The following FUT8 variants were observed in gnomAD, a reference collection of about 807,000 sequenced individuals.
FUT8 encodes the protein alpha-(1,6)-fucosyltransferase.
A neutral mutation model predicts 71.3 loss-of-function variants in FUT8; 29 were observed. The observed-to-expected ratio is 0.41, with a 90% CI of 0.30 to 0.55. The LOEUF (loss-of-function observed/expected upper bound fraction) is 0.55. FUT8 is among the 20% of genes least tolerant of loss of function. The pLI, the probability that FUT8 is intolerant of heterozygous loss-of-function variation, is 0.34. For synonymous variants in FUT8, 254 were observed against 239.3 expected (o/e 1.06, Z -0.57); for missense variants, 544 against 702.1 (o/e 0.77, Z 2.55).
chr14:65,528,404 C>T (rs569588349), intron 2 of FUT8, among the ~76,000 whole-genome samples: 40 of 152,322 alleles, frequency 2.6e-4, no homozygotes, highest in African/African-American at 9.6e-4. Flanking sequence ...TGGAAAAGTG[C>T]AGTATCAGGG....
In FUT8 at chr14:65,643,436, C is replaced by T. The variant is rs528606495; in HGVS notation, c.597+13830C>T. 4.6e-4 allele frequency among the ~76,000 whole-genome samples: 70 copies of T among 152,184 alleles called. No individual in the cohort carries two copies. The highest frequency in any genetic ancestry group is 1.5e-3 in the African/African-American group (63 of 41,518). ...TTGGGAGGCCGAGGCAGGCGGGTCA[C>T]GAGGTCAGGAGATCGAGACCATCCT... On this transcript the variant is annotated intron_variant, in intron 6 of 10. Coordinates refer to ENST00000673929, the MANE Select transcript of FUT8 (RefSeq NM_001371533.1). The surrounding 1 kb of genome is among the most constrained non-coding windows in gnomAD (Gnocchi z 4.5).
In FUT8 at chr14:65,577,417, G is replaced by T. The variant is rs534698533; in HGVS notation, c.203+15651G>T. Among the ~76,000 whole-genome samples the T allele has an allele frequency of 4.6e-5, 7 of 152,098 alleles. No homozygotes were observed. In the East Asian group the frequency reaches 1.4e-3, roughly 29 times the overall value. ...TAGTGATCTTAAAAAAGTCGTGTAA[G>T]GGGGCTTTTTGATCTTCAGTTTCTT... On this transcript the variant is annotated intron_variant, in intron 3 of 10. Coordinates refer to ENST00000673929, the MANE Select transcript of FUT8 (RefSeq NM_001371533.1).
intron 9 of FUT8, among the ~76,000 whole-genome samples, chr14:65,730,546 G>A (rs1594946048): frequency 6.6e-6 from 1 of 152,134 alleles, no homozygotes; most frequent in Non-Finnish European, 1.5e-5. Flanking sequence ...GGTGGTGGGC[G>A]CCTGTGGTCC....
intron 3 of FUT8, among the ~76,000 whole-genome samples, chr14:65,565,282 C>G: frequency 6.6e-6 from 1 of 151,886 alleles, no homozygotes; most frequent in East Asian, 1.9e-4. Flanking sequence ...CCAAATACCT[C>G]CCACTAGGTC....
At chr14:65,651,187 G>A (rs1225214619) in intron 6 of FUT8, among the ~76,000 whole-genome samples, 2 of 152,190 alleles carry the variant, frequency 1.3e-5, no homozygotes, top group Admixed American at 1.3e-4. Flanking sequence ...GAGGGAGTTA[G>A]AGAAAGAGAC....
chr14:65,671,207 A>G (rs999428060), intron 7 of FUT8, among the ~76,000 whole-genome samples: 3 of 152,192 alleles, frequency 2.0e-5, no homozygotes, highest in Non-Finnish European at 4.4e-5. Context: ...TTTGTATGGT[A>G]GTCAGAAAAG....
At position 65,742,520 on chromosome 14, in the gene FUT8, T is replaced by C. The variant is rs569850049; in HGVS notation, c.*110T>C. On this transcript the variant is annotated 3_prime_UTR_variant, in exon 11 of 11. Coordinates refer to ENST00000673929, the MANE Select transcript of FUT8 (RefSeq NM_001371533.1). Reference sequence around the variant, plus strand: ...GCTCTGATCTAACAAAATAAGGTTATATGAGTAGATACTCTCAGCACCAAG... The same window carrying C: ...GCTCTGATCTAACAAAATAAGGTTACATGAGTAGATACTCTCAGCACCAAG... 5.3e-5 allele frequency: 45 copies of C among 854,612 alleles called. No homozygotes were observed. Among genetic ancestry groups the C allele is most frequent in the African/African-American group, 4.6e-4 (27 of 58,522 alleles). 52.9% of individuals were successfully genotyped at this position (854,612 alleles called of 1,614,324 possible). A position where few individuals can be genotyped will look rare whatever the true frequency, so the allele number is the denominator to read the frequency against.
chr14:65,567,121 G>T (rs544743807), intron 3 of FUT8, among the ~76,000 whole-genome samples: 2 of 151,984 alleles, frequency 1.3e-5, no homozygotes, highest in South Asian at 4.1e-4. Context: ...TTTGAGAACA[G>T]AACTTAAAAA....
chr14:65,699,647 C>T (rs752969587), intron 7 of FUT8, among the ~76,000 whole-genome samples: 1 of 152,134 alleles, frequency 6.6e-6, no homozygotes, highest in Non-Finnish European at 1.5e-5. Flanking sequence ...GTAAGAATTG[C>T]AGATTTCTCA....
At chr14:65,513,964 G>A (rs1036804132) in intron 2 of FUT8, among the ~76,000 whole-genome samples, 12 of 152,168 alleles carry the variant, frequency 7.9e-5, no homozygotes, top group Admixed American at 2.0e-4. Flanking sequence ...TCCCATCTTC[G>A]CTTCAGGGCA....
chr14:65,678,982 G>A (rs867625653), intron 7 of FUT8, among the ~76,000 whole-genome samples: 1 of 152,134 alleles, frequency 6.6e-6, no homozygotes, highest in Non-Finnish European at 1.5e-5. Flanking sequence ...TCTAGGTTTT[G>A]GGTCTTGTAT....
chr14:65,701,365 G>C (rs897182402), intron 7 of FUT8, among the ~76,000 whole-genome samples: 1 of 152,178 alleles, frequency 6.6e-6, no homozygotes, highest in Non-Finnish European at 1.5e-5. Flanking sequence ...ATAATAGGAA[G>C]AGGAGTTTAC....
At chr14:65,424,539 C>CTTTTTT (rs796843891) in intron 1 of FUT8, among the ~76,000 whole-genome samples, 364 of 125,228 alleles carry the variant, frequency 2.9e-3, no homozygotes, top group African/African-American at 7.0e-3. Context: ...CTTTTCTTTT[C>CTTTTTT]TTTTTTTTTT....
intron 6 of FUT8, among the ~76,000 whole-genome samples, chr14:65,651,080 T>G (rs575625263): frequency 6.6e-6 from 1 of 152,136 alleles, no homozygotes; most frequent in Non-Finnish European, 1.5e-5. Flanking sequence ...CCCTCCCCAA[T>G]GGATGCTACA....
chr14:65,648,506 C>G (rs1891217291), intron 6 of FUT8, among the ~76,000 whole-genome samples: 1 of 152,160 alleles, frequency 6.6e-6, no homozygotes, highest in Non-Finnish European at 1.5e-5. Flanking sequence ...TATGTAAGTA[C>G]TCAGGAATAT....
intron 1 of FUT8, among the ~76,000 whole-genome samples, chr14:65,445,428 T>TA (rs1175712263): frequency 6.6e-6 from 1 of 152,126 alleles, no homozygotes. Context: ...GGTATTCTGT[T>TA]ATGGCAGCAC....
At chr14:65,731,197 C>A (rs148819131) in intron 9 of FUT8, among the ~76,000 whole-genome samples, 81 of 152,242 alleles carry the variant, frequency 5.3e-4, no homozygotes, top group African/African-American at 1.9e-3. Context: ...AACAGGTAGA[C>A]AATATACATG....
chr14:65,528,391 C>T (rs1883668193), intron 2 of FUT8, among the ~76,000 whole-genome samples: 1 of 152,208 alleles, frequency 6.6e-6, no homozygotes, highest in African/African-American at 2.4e-5. Context: ...TGCTTAAGAC[C>T]ATTGGAAAAG....
intron 1 of FUT8, among the ~76,000 whole-genome samples, chr14:65,424,539 C>CTTTTTTT (rs796843891): frequency 1.8e-4 from 23 of 125,404 alleles, no homozygotes; most frequent in African/African-American, 4.2e-4. Flanking sequence ...CTTTTCTTTT[C>CTTTTTTT]TTTTTTTTTT....
Sources: gnomAD v4.1 joint callset for allele counts (sites outside exome capture counted in the v4.1 genomes callset) on GRCh38, gnomAD v4.1.1 for gene constraint, Gnocchi (gnomAD v3.1) non-coding constraint, MANE v1.5 for transcripts, NCBI Gene and HGNC (gene_info 2026-07-23, HGNC 2026-07-21) for gene names.